Variants in FRMD4A observed in about 807,000 individuals in gnomAD.
FRMD4A encodes FERM domain-containing protein 4A.
In FRMD4A, 29 loss-of-function variants were observed where a neutral mutation model predicts 129.1. The ratio of observed to expected loss-of-function variants is 0.22; its 90% CI spans 0.17 to 0.31. The LOEUF (loss-of-function observed/expected upper bound fraction) is 0.31. Among genes scored for constraint, FRMD4A ranks in the 10% least tolerant of loss-of-function variants. The pLI is 1.00. For missense variants in FRMD4A, 1,272 were observed against 1,375.8 expected (o/e 0.92, Z 1.19); for synonymous variants, 634 against 571.6 (o/e 1.11, Z -1.56).
chr10:13,673,212 A>T (rs2083663358), intron 16 of FRMD4A, among the ~76,000 whole-genome samples: 1 of 152,234 alleles, frequency 6.6e-6, no homozygotes, highest in African/African-American at 2.4e-5. Flanking sequence ...TAATATTAAC[A>T]GTATCACATA....
In FRMD4A at chr10:13,773,899, G is replaced by A. The variant is rs1588651921; in HGVS notation, c.384+9023C>T. On this transcript the variant is annotated intron_variant, in intron 6 of 24. Coordinates refer to ENST00000357447, the MANE Select transcript of FRMD4A (RefSeq NM_018027.5). ...GGAAGCCACACCGGAAGAGGGAGAG[G>A]AGCAGATGGAAAAGGCTTGGCGGGA... is the stretch of plus-strand genomic sequence containing the variant. Among the ~76,000 whole-genome samples, 5 of 152,334 alleles carry A rather than the reference G, an allele frequency of 3.3e-5. No homozygotes were observed. The East Asian group carries it at 9.6e-4, about 29-fold the overall frequency.
intron 2 of FRMD4A, among the ~76,000 whole-genome samples, chr10:13,937,475 G>A (rs1171571336): frequency 1.3e-5 from 2 of 152,178 alleles, no homozygotes; most frequent in Non-Finnish European, 2.9e-5. Flanking sequence ...TATACTTACA[G>A]CGGTGTTCCT....
intron 23 of FRMD4A, chr10:13,654,015 C>A: frequency 3.0e-6 from 1 of 337,262 alleles, no homozygotes; most frequent in Non-Finnish European, 5.3e-6. Flanking sequence ...GCTGTTTCAC[C>A]TGCCCCAGTG....
At chr10:13,931,871 C>A (rs534849201) in intron 2 of FRMD4A, among the ~76,000 whole-genome samples, 6 of 151,920 alleles carry the variant, frequency 3.9e-5, no homozygotes, top group South Asian at 2.1e-4. Context: ...ATCGCTTGAA[C>A]CCGGGAGGTG....
intron 21 of FRMD4A, among the ~76,000 whole-genome samples, 181 bp from the exon 22 acceptor site, chr10:13,657,703 G>A (rs1380196342): frequency 1.3e-5 from 2 of 152,132 alleles, no homozygotes; most frequent in Non-Finnish European, 2.9e-5. Context: ...TGCCCATTGC[G>A]GGAGGTGAAC....
At chr10:14,005,150 G>A (rs2095657546) in intron 2 of FRMD4A, among the ~76,000 whole-genome samples, 1 of 152,006 alleles carries the variant, frequency 6.6e-6, no homozygotes, top group Admixed American at 6.6e-5. Flanking sequence ...AGCCTCCTGA[G>A]TAGCTGGGAT....
rs145921169 is a variant in FRMD4A at position 14,025,966 on chromosome 10, C to T, written c.46-167054G>A. 2.8e-3 allele frequency among the ~76,000 whole-genome samples: 429 copies of T among 152,272 alleles called. 1 individual carries two copies. Among genetic ancestry groups the T allele is most frequent in the African/African-American group, 9.7e-3 (405 of 41,556 alleles). ...TCTCAGGGACACGTGGCTGTCAAGACGCTAATGGCCATCCTTGCTGTGACT... is the reference window on the plus strand; with the variant it reads ...TCTCAGGGACACGTGGCTGTCAAGATGCTAATGGCCATCCTTGCTGTGACT... On this transcript the variant is annotated intron_variant, in intron 2 of 24. Coordinates refer to ENST00000357447, the MANE Select transcript of FRMD4A (RefSeq NM_018027.5).
At chr10:14,123,905 C>T (rs908734554) in intron 2 of FRMD4A, among the ~76,000 whole-genome samples, 2 of 152,180 alleles carry the variant, frequency 1.3e-5, no homozygotes, top group African/African-American at 2.4e-5. Context: ...ACCTTTCATA[C>T]TGAGATTGGC....
chr10:14,295,579 T>C (rs1310045073), intron 2 of FRMD4A, among the ~76,000 whole-genome samples: 1 of 152,130 alleles, frequency 6.6e-6, no homozygotes, highest in Non-Finnish European at 1.5e-5. Flanking sequence ...AGTCATATGC[T>C]AAGGGCATTG....
chr10:13,679,267 CG>C (rs1243491183), intron 15 of FRMD4A, among the ~76,000 whole-genome samples: 1 of 146,788 alleles, frequency 6.8e-6, no homozygotes, highest in African/African-American at 2.5e-5. Context: ...ACTAAAAATA[CG>C]AAAAAAAAAA....
intron 16 of FRMD4A, among the ~76,000 whole-genome samples, chr10:13,672,572 G>A (rs1265913332): frequency 1.3e-5 from 2 of 152,108 alleles, no homozygotes; most frequent in Non-Finnish European, 2.9e-5. Context: ...CCACTTGAAG[G>A]TATTTGAGTC....
At chr10:13,857,276 A>G (rs1029732734) in intron 3 of FRMD4A, among the ~76,000 whole-genome samples, 1 of 152,218 alleles carries the variant, frequency 6.6e-6, no homozygotes, top group Admixed American at 6.5e-5. Flanking sequence ...TCTAGAATTT[A>G]TGCAGCTGTT....
At chr10:14,263,733 C>T (rs995990875) in intron 2 of FRMD4A, among the ~76,000 whole-genome samples, 2 of 152,072 alleles carry the variant, frequency 1.3e-5, no homozygotes, top group Non-Finnish European at 2.9e-5. Context: ...TGACAATGTT[C>T]AAGGAGGCCC....
At chr10:13,943,296 G>A (rs1163514987) in intron 2 of FRMD4A, among the ~76,000 whole-genome samples, 1 of 152,154 alleles carries the variant, frequency 6.6e-6, no homozygotes, top group Non-Finnish European at 1.5e-5. Context: ...CAGGCCTGGT[G>A]GGAGGTTGGA....
chr10:14,172,495 G>C (rs1841528116), intron 2 of FRMD4A, among the ~76,000 whole-genome samples: 1 of 152,140 alleles, frequency 6.6e-6, no homozygotes, highest in Non-Finnish European at 1.5e-5. Flanking sequence ...ATTTGCATAG[G>C]AAACTCCCTT....
intron 2 of FRMD4A, among the ~76,000 whole-genome samples, chr10:14,158,159 A>G (rs997216356): frequency 6.6e-6 from 1 of 152,214 alleles, no homozygotes; most frequent in Non-Finnish European, 1.5e-5. Flanking sequence ...TTGTATAAGC[A>G]ATGGGAGGAG....
At chr10:13,869,746 C>T (rs1242187735) in intron 2 of FRMD4A, among the ~76,000 whole-genome samples, 1 of 152,196 alleles carries the variant, frequency 6.6e-6, no homozygotes, top group Admixed American at 6.5e-5. Flanking sequence ...TAGGTTCTGC[C>T]ACTGTTAGAG....
At chr10:14,313,180 T>C (rs1010682653) in intron 2 of FRMD4A, among the ~76,000 whole-genome samples, 5 of 139,234 alleles carry the variant, frequency 3.6e-5, no homozygotes, top group Non-Finnish European at 7.7e-5. Context: ...TAGTGAGACC[T>C]CATTTCTACC....
chr10:14,125,700 G>GTC (rs1002067025), intron 2 of FRMD4A, among the ~76,000 whole-genome samples: 11 of 151,440 alleles, frequency 7.3e-5, no homozygotes, highest in Admixed American at 2.6e-4. Flanking sequence ...GGGGAATCCA[G>GTC]TCTCTCTCTC....
Sources: gnomAD v4.1 joint callset for allele counts (sites outside exome capture counted in the v4.1 genomes callset) on GRCh38, gnomAD v4.1.1 for gene constraint, MANE v1.5 for transcripts, NCBI Gene and HGNC (gene_info 2026-07-23, HGNC 2026-07-21) for gene names.